F11: variants seen among roughly 807,000 people sequenced by gnomAD.
F11 encodes coagulation factor XI, also known as coagualtion factor XI.
F11 carries 78 observed loss-of-function variants against 76.5 expected under a neutral mutation model. That is an observed-to-expected ratio of 1.02 (90% CI 0.85 to 1.23). F11 has a LOEUF of 1.23. F11 is among the 50% of genes most tolerant of loss of function. The pLI is 0.00. For synonymous variants in F11, 278 were observed against 276.3 expected (o/e 1.01, Z -0.06); for missense variants, 742 against 771.4 (o/e 0.96, Z 0.45).
At position 186,274,131 on chromosome 4, in the gene F11, T is replaced by C. The variant is rs774468455; in HGVS notation, c.341T>C (p.Ile114Thr). 1.2e-6 allele frequency: 2 copies of C among 1,614,166 alleles called. No individual in the cohort carries two copies. Among genetic ancestry groups the C allele is most frequent in the South Asian group, 2.2e-5 (2 of 91,078 alleles). Residue 114 changes from isoleucine to threonine, a missense_variant, in exon 5 of 15, where the codon ATT becomes ACT. Ile to Thr is a moderately conservative substitution (Grantham distance 89). Transcript: ENST00000403665. ...TTATTTCCAGCTTGCAACAAAGACA[T>C]TTATGTGGACCTAGACATGAAGGGC... ...SHQISACNKD[I>T]YVDLDMKGIN...
intron 7 of F11, among the ~76,000 whole-genome samples, chr4:186,278,284 G>A (rs1007229703): frequency 1.3e-5 from 2 of 152,186 alleles, no homozygotes; most frequent in Non-Finnish European, 2.9e-5. Flanking sequence ...GAGGCCCTGT[G>A]TGCCTTGCCT....
chr4:186,273,865 AG>A (rs1313528637), intron 4 of F11, among the ~76,000 whole-genome samples: 1 of 152,270 alleles, frequency 6.6e-6, no homozygotes, highest in African/African-American at 2.4e-5. Context: ...CAGTGCAGTT[AG>A]GGAGAAGAGA....
intron 11 of F11, among the ~76,000 whole-genome samples, 171 bp from the exon 12 acceptor site, chr4:186,285,467 G>C (rs1741123639): frequency 6.6e-6 from 1 of 151,984 alleles, no homozygotes; most frequent in African/African-American, 2.4e-5. Flanking sequence ...TCTTTATAGG[G>C]TGAATATGTT....
rs370314053 is a variant in F11, at chr4:186,280,393, A to C, written c.1028+8A>C. On this transcript the variant is annotated splice_region_variant and intron_variant, in intron 9 of 14. Transcript: ENST00000403665. The stretch of plus-strand genomic sequence containing the variant: ...ATCCTGCAACGAAGGGAAGTAAGCC[A>C]TATGAAGGGTTATGCAGACACCCTT... 3 of 1,614,108 alleles carry C rather than the reference A, an allele frequency of 1.9e-6. No individual in the cohort carries two copies. In the African/African-American group the frequency reaches 4.0e-5, roughly 22 times the overall value.
rs1336939227 is a variant in F11, at chr4:186,285,632, C to T, written c.1305-6C>T. On this transcript the variant is annotated splice_polypyrimidine_tract_variant and splice_region_variant and intron_variant, in intron 11 of 14. Transcript: ENST00000403665. ...AATTTCTTTCCCTCTGTTGTTTGCT[C>T]CTTAGGGTAGAGTCACCTAAGATTT... is the stretch of plus-strand genomic sequence containing the variant. 1 of 1,613,588 alleles carries T rather than the reference C, an allele frequency of 6.2e-7. No individual in the cohort carries two copies. The highest frequency in any genetic ancestry group is 8.5e-7 in the Non-Finnish European group (1 of 1,179,640).
In F11 at chr4:186,284,163, G is replaced by A. The variant is rs281875266; in HGVS notation, c.1207G>A (p.Val403Met). ...ASVRGEWPWQ[V>M]TLHTTSPTQR... is the part of the protein sequence containing the mutation. ...TGTTCGTGGTGAGTGGCCGTGGCAGGTGACCCTGCACACAACCTCACCCAC... is the reference window on the plus strand; with the variant it reads ...TGTTCGTGGTGAGTGGCCGTGGCAGATGACCCTGCACACAACCTCACCCAC... The change falls in exon 11 of 15, where the codon GTG (valine) becomes ATG (methionine). Residue 403 changes from valine to methionine, a missense_variant. Transcript: ENST00000403665. The A allele has an allele frequency of 3.1e-6, 5 of 1,614,226 alleles. No homozygotes were observed. Among genetic ancestry groups the A allele is most frequent in the Non-Finnish European group, 4.2e-6 (5 of 1,180,040 alleles).
At chr4:186,271,325 G>A (rs2126718814) in intron 2 of F11, among the ~76,000 whole-genome samples, 1 of 152,274 alleles carries the variant, frequency 6.6e-6, no homozygotes, top group East Asian at 1.9e-4. Context: ...TGCCAGTAAA[G>A]ATCCTTGAAA....
rs529803304 is a variant in F11, at chr4:186,269,453, G to A, written c.56-2156G>A. The stretch of plus-strand genomic sequence containing the variant: ...AAATTCTGACACATGCTATGACATG[G>A]ATGAACCTTGAGGACATTACGCTAA... On this transcript the variant is annotated intron_variant, in intron 2 of 14. Coordinates refer to ENST00000403665, the MANE Select transcript of F11 (RefSeq NM_000128.4). Among the ~76,000 whole-genome samples, 3 of 152,330 alleles carry A rather than the reference G, an allele frequency of 2.0e-5. No individual in the cohort carries two copies. In the South Asian group the frequency reaches 6.2e-4, roughly 32 times the overall value.
intron 3 of F11, among the ~76,000 whole-genome samples, chr4:186,272,659 C>T (rs144828288): frequency 3.9e-5 from 6 of 152,270 alleles, no homozygotes; most frequent in Non-Finnish European, 7.4e-5. Flanking sequence ...TTCTTAATAA[C>T]GCAGAGTAAA....
rs533875031 is a variant in F11 at position 186,272,160 on chromosome 4, GA to G, written c.218+396del. Among the ~76,000 whole-genome samples, 30 of 151,838 alleles carry G rather than the reference GA, an allele frequency of 2.0e-4. 1 individual carries two copies. In the East Asian group the frequency reaches 5.6e-3, roughly 28 times the overall value. The stretch of plus-strand genomic sequence containing the variant: ...AATAAAATATTTAAAAAGAAAATTT[GA>G]AAAAAAGTACAGTACAGTGATCCCC... On this transcript the variant is annotated intron_variant, in intron 3 of 14. Transcript: ENST00000403665.
At position 186,287,763 on chromosome 4, in the gene F11, T is replaced by C. The variant is rs747864728; in HGVS notation, c.1656T>C (p.His552=). The C allele has an allele frequency of 6.2e-7, 1 of 1,613,568 alleles. No homozygotes were observed. The highest frequency in any genetic ancestry group is 8.5e-7 in the Non-Finnish European group (1 of 1,179,758). The change falls in exon 14 of 15, where the codon CAT becomes CAC. Residue 552 remains histidine, a synonymous_variant. Coordinates refer to ENST00000403665, the MANE Select transcript of F11 (RefSeq NM_000128.4). ...AGTGCCAGAAGAGATACAGAGGACATAAAATAACCCATAAGATGATCTGTG... is the reference window on the plus strand; with the variant it reads ...AGTGCCAGAAGAGATACAGAGGACACAAAATAACCCATAAGATGATCTGTG... The part of the protein sequence containing the change: ...NEECQKRYRG[H]KITHKMICAG...
chr4:186,273,698 C>T (rs1740153276), intron 4 of F11, among the ~76,000 whole-genome samples: 1 of 152,214 alleles, frequency 6.6e-6, no homozygotes, highest in Admixed American at 6.5e-5. Flanking sequence ...AGTGATCTGC[C>T]CGCCTCGGCC....
At chr4:186,270,435 A>G (rs1739853829) in intron 2 of F11, among the ~76,000 whole-genome samples, 1 of 152,172 alleles carries the variant, frequency 6.6e-6, no homozygotes, top group South Asian at 2.1e-4. Flanking sequence ...GTGTAAGTGC[A>G]GATTTCTTAC....
At chr4:186,271,586 G>T (rs766464009) in intron 2 of F11, 23 bp from the exon 3 acceptor site, 1 of 1,613,700 alleles carries the variant, frequency 6.2e-7, no homozygotes, top group Non-Finnish European at 8.5e-7. Flanking sequence ...CCAACATAAC[G>T]CATGCCATGT....
chr4:186,276,225 G>T lies in F11; in HGVS notation c.596-6G>T. 1 of 1,613,926 alleles carries T rather than the reference G, an allele frequency of 6.2e-7. No homozygotes were observed. Among genetic ancestry groups the T allele is most frequent in the Non-Finnish European group, 8.5e-7 (1 of 1,179,986 alleles). On this transcript the variant is annotated splice_polypyrimidine_tract_variant and splice_region_variant and intron_variant, in intron 6 of 14. Transcript: ENST00000403665. Reference sequence around the variant, plus strand: ...GAGTCCCTGACATAGTTCTTCCGTCGCGCAGCTTGTATTAGGGACATTTTC... The same window carrying T: ...GAGTCCCTGACATAGTTCTTCCGTCTCGCAGCTTGTATTAGGGACATTTTC...
At chr4:186,283,006 C>T in intron 10 of F11, 1 of 985,372 alleles carries the variant, frequency 1.0e-6, no homozygotes, top group Non-Finnish European at 1.2e-6. Flanking sequence ...AACTTAGACT[C>T]CTCCCTTAGC....
At position 186,287,591 on chromosome 4, in the gene F11, A is replaced by AAAAT. The variant is rs1554083993; in HGVS notation, c.1577-92_1577-91insAATA. ...AGAAAGAGACTCCGTCTCAATTAAA[A>AAAAT]ATATATATATATATATATTTATATG... On this transcript the variant is annotated intron_variant, in intron 13 of 14. Transcript: ENST00000403665. 2.6e-3 allele frequency: 1,082 copies of AAAAT among 424,152 alleles called. 2 individuals are homozygous for AAAAT. The highest frequency in any genetic ancestry group is 3.2e-3 in the Non-Finnish European group (890 of 281,918). 26.3% of individuals were successfully genotyped at this position (424,152 alleles called of 1,614,324 possible). A position where few individuals can be genotyped will look rare whatever the true frequency, so the allele number is the denominator to read the frequency against.
rs1029129689 is a variant in F11, at chr4:186,287,948, A to G, written c.1716+125A>G. 7 of 1,155,516 alleles carry G rather than the reference A, an allele frequency of 6.1e-6. No homozygotes were observed. In the South Asian group the frequency reaches 7.7e-5, roughly 13 times the overall value. 71.6% of individuals were successfully genotyped at this position (1,155,516 alleles called of 1,614,324 possible). A position where few individuals can be genotyped will look rare whatever the true frequency, so the allele number is the denominator to read the frequency against. Reference sequence around the variant, plus strand: ...GAGACAGAGTCTCGCTCTGTTGCCCAGGCTGGAGTGCAGTGGCTCGATCTC... The same window carrying G: ...GAGACAGAGTCTCGCTCTGTTGCCCGGGCTGGAGTGCAGTGGCTCGATCTC... On this transcript the variant is annotated intron_variant, in intron 14 of 14. Transcript: ENST00000403665.
chr4:186,285,708 T>G lies in F11; in HGVS notation c.1375T>G (p.Ser459Ala). 1 of 1,614,126 alleles carries G rather than the reference T, an allele frequency of 6.2e-7. No individual in the cohort carries two copies. ...TCAATCTGAAATAAAAGAGGACACATCTTTCTTTGGGGTTCAAGAAATAAT... is the reference window on the plus strand; with the variant it reads ...TCAATCTGAAATAAAAGAGGACACAGCTTTCTTTGGGGTTCAAGAAATAAT... ...LNQSEIKEDT[S>A]FFGVQEIIIH... The change falls in exon 12 of 15, where the codon TCT becomes GCT. Residue 459 changes from serine (S) to alanine (A), a missense_variant. Ser to Ala is a moderately conservative substitution (Grantham distance 99). Transcript: ENST00000403665.
Sources: gnomAD v4.1 joint callset for allele counts (sites outside exome capture counted in the v4.1 genomes callset) on GRCh38, gnomAD v4.1.1 for gene constraint, MANE v1.5 for transcripts, NCBI Gene and HGNC (gene_info 2026-07-23, HGNC 2026-07-21) for gene names.